SURF1: variants seen among roughly 807,000 people sequenced by gnomAD.
SURF1 encodes surfeit locus protein 1.
In SURF1, 45 loss-of-function variants were observed where a neutral mutation model predicts 34.1. The ratio of observed to expected loss-of-function variants is 1.32; its 90% confidence interval spans 1.04 to 1.69. The LOEUF (loss-of-function observed/expected upper bound fraction) is 1.69. Ranked by LOEUF, SURF1 falls within the 40% of genes most tolerant of loss-of-function variation. SURF1 has a pLI of 0.00. For synonymous variants in SURF1, 188 were observed against 147.5 expected (o/e 1.27, Z -1.99); for missense variants, 456 against 384.6 (o/e 1.19, Z -1.55).
intron 5 of SURF1, among the ~76,000 whole-genome samples, chr9:133,353,127 C>A (rs1470287023): frequency 1.3e-5 from 2 of 152,322 alleles, no homozygotes; most frequent in Admixed American, 6.5e-5. Context: ...TCTCCAATCC[C>A]TCCTCCTAAC....
rs1416119624 is a variant in SURF1, at chr9:133,356,294, G to T, written c.81C>A (p.Ser27Arg). 4.6e-6 allele frequency: 7 copies of T among 1,528,274 alleles called. No individual in the cohort carries two copies. The highest frequency in any genetic ancestry group is 5.2e-6 in the Non-Finnish European group (6 of 1,144,336). The allele number at this position is 1,528,274 out of a possible 1,614,324, so 94.7% of individuals were successfully genotyped here. A position where few individuals can be genotyped will look rare whatever the true frequency, so the allele number is the denominator to read the frequency against. ...CTGGGCGCGGGGAGACCCTGAGGAC[G>T]CTCCTCCAGGCGGCGCTGGCCGGGG... is the stretch of plus-strand genomic sequence containing the variant. The part of the protein sequence containing the change: ...GRAPASAAWR[S>R]VLRVSPRPGV... The change falls in exon 2 of 9, where the codon AGC (serine) becomes AGA (arginine). Residue 27 changes from serine (S) to arginine (R), a missense_variant. Coordinates refer to ENST00000371974, the MANE Select transcript of SURF1 (RefSeq NM_003172.4).
chr9:133,352,708 G>A lies in SURF1; in HGVS notation c.574C>T (p.Arg192Trp), dbSNP rs2130009420. The A allele has an allele frequency of 1.4e-5, 22 of 1,613,262 alleles. No individual in the cohort carries two copies. Among genetic ancestry groups the A allele is most frequent in the African/African-American group, 9.3e-5 (7 of 74,910 alleles). ...VPRKKVNPET[R>W]QKGQIEGEVD... ...ATGTCCCTTACCTGGCCTTTCTGCC[G>A]GGTTTCAGGATTCACTTTCTTCCTG... The change falls in exon 6 of 9, where the codon CGG (arginine) becomes TGG (tryptophan). Residue 192 changes from arginine to tryptophan, a missense_variant. Physicochemically the swap from Arg to Trp is moderately radical, Grantham distance 101 (BLOSUM62 -3). Transcript: ENST00000371974.
rs782609482 is a variant in SURF1, at chr9:133,352,060, C to T, written c.833+1G>A. ...AAGCCAGAGGGCCGCTGGGGACTCACCAGGTCACGATGTACTGCAGATGCT... is the reference window on the plus strand; with the variant it reads ...AAGCCAGAGGGCCGCTGGGGACTCATCAGGTCACGATGTACTGCAGATGCT... On this transcript the variant is annotated splice_donor_variant, in intron 8 of 8. Transcript: ENST00000371974. LOFTEE classifies it high-confidence loss of function. The T allele has an allele frequency of 4.3e-6, 7 of 1,611,916 alleles. No homozygotes were observed. Among genetic ancestry groups the T allele is most frequent in the South Asian group, 3.3e-5 (3 of 90,584 alleles).
rs2130007077 is a variant in SURF1 at position 133,352,469 on chromosome 9, G to T, written c.728C>A (p.Pro243His). The T allele has an allele frequency of 6.8e-6, 11 of 1,614,206 alleles. No individual in the cohort carries two copies. In the African/African-American group the frequency reaches 1.3e-4, roughly 20 times the overall value. ...ACGGAAGTTGGCATCAATGAAGATG[G>T]GCTCTGCGCCTGTGATTCTGGCCAT... ...EAMARITGAE[P>H]IFIDANFQST... Residue 243 changes from proline (P) to histidine (H), a missense_variant, in exon 7 of 9, where the codon CCC (proline) becomes CAC (histidine). Physicochemically the swap from Pro to His is moderately conservative, Grantham distance 77. Coordinates refer to ENST00000371974, the MANE Select transcript of SURF1 (RefSeq NM_003172.4).
chr9:133,355,005 A>C (rs1221562351), intron 2 of SURF1, 48 bp from the exon 3 acceptor site: 1 of 1,608,584 alleles, frequency 6.2e-7, no homozygotes, highest in Non-Finnish European at 8.5e-7. Context: ...CCTCGAACAC[A>C]GACCTGGAGC....
intron 6 of SURF1, 35 bp downstream of exon 6, chr9:133,352,659 C>G: frequency 6.2e-7 from 1 of 1,613,790 alleles, no homozygotes; most frequent in Non-Finnish European, 8.5e-7. Context: ...ACTCCCAGAG[C>G]CTTCTCTAAA....
chr9:133,355,968 G>C, intron 2 of SURF1: 1 of 535,602 alleles, frequency 1.9e-6, no homozygotes, highest in South Asian at 2.1e-5. Context: ...CTTTCAGCCT[G>C]GGCTGGCCAC....
At position 133,356,381 on chromosome 9, in the gene SURF1, C is replaced by CCCCGCACCCCGCAG; in HGVS notation, c.54+18_54+19insCTGCGGGGTGCGGG. 7.1e-7 allele frequency: 1 copy of CCCCGCACCCCGCAG among 1,401,008 alleles called. No homozygotes were observed. The highest frequency in any genetic ancestry group is 1.5e-5 in the South Asian group (1 of 65,272). 86.8% of individuals were successfully genotyped at this position (1,401,008 alleles called of 1,614,324 possible). On this transcript the variant is annotated intron_variant, in intron 1 of 8. Transcript: ENST00000371974. ...CCCTCCCCGCGCCCCGCACCCCGCA[C>CCCCGCACCCCGCAG]CCCGCACCCGGCGCTCACCCGTCCC...
chr9:133,354,148 T>G (rs1467263503), intron 4 of SURF1: 2 of 639,362 alleles, frequency 3.1e-6, no homozygotes, highest in Non-Finnish European at 5.5e-6. Context: ...AAATCTGGAC[T>G]CCTCAATGAA....
At chr9:133,352,166 C>T in intron 7 of SURF1, 24 bp from the exon 8 acceptor site, 1 of 1,572,868 alleles carries the variant, frequency 6.4e-7, no homozygotes, top group Non-Finnish European at 8.6e-7. Flanking sequence ...AGACTCAAGT[C>T]CACCCCCTAC....
intron 5 of SURF1, among the ~76,000 whole-genome samples, chr9:133,353,244 G>A (rs1211087548): frequency 1.3e-5 from 2 of 152,076 alleles, no homozygotes; most frequent in East Asian, 1.9e-4. Flanking sequence ...AAGAGCCCCA[G>A]GTATTTTCAT....
rs2130004516 is a variant in SURF1, at chr9:133,352,094, A to G, written c.800T>C (p.Leu267Pro). The G allele has an allele frequency of 2.5e-6, 4 of 1,610,490 alleles. No individual in the cohort carries two copies. Among genetic ancestry groups the G allele is most frequent in the Admixed American group, 3.4e-5 (2 of 59,512 alleles). ...GPIGGQTRVT[L>P]RNEHLQYIVT... ...GATGTACTGCAGATGCTCGTTCCTC[A>G]GAGTAACTCTGGTTTGCCCTCCAAT... is the stretch of plus-strand genomic sequence containing the variant. Residue 267 changes from leucine to proline, a missense_variant, in exon 8 of 9, where the codon CTG becomes CCG. Leu to Pro is a moderately conservative substitution (Grantham distance 98). Coordinates refer to ENST00000371974, the MANE Select transcript of SURF1 (RefSeq NM_003172.4).
Position 133,353,875 on chromosome 9 carries a change from T to C in SURF1, c.389A>G (p.Lys130Arg). ...GGTCCGGGGCATCATATACAGCTCC[T>C]TGGAATGGTCAAAGCACCCCCTGAC... ...VKVRGCFDHSKELYMMPRTMV... is the reference protein window; with the variant it reads ...VKVRGCFDHSRELYMMPRTMV... Residue 130 changes from lysine (K) to arginine (R), a missense_variant, in exon 5 of 9, where the codon AAG becomes AGG. Lys to Arg is a conservative substitution (Grantham distance 26, BLOSUM62 2). Coordinates refer to ENST00000371974, the MANE Select transcript of SURF1 (RefSeq NM_003172.4). 6.2e-7 allele frequency: 1 copy of C among 1,613,856 alleles called. No homozygotes were observed. Among genetic ancestry groups the C allele is most frequent in the Non-Finnish European group, 8.5e-7 (1 of 1,180,018 alleles).
chr9:133,356,285 C>T lies in SURF1; in HGVS notation c.90G>A (p.Arg30=). Residue 30 remains arginine, a synonymous_variant, in exon 2 of 9, where the codon AGG becomes AGA. Transcript: ENST00000371974. ...AGCCCTCACCTGGGCGCGGGGAGAC[C>T]CTGAGGACGCTCCTCCAGGCGGCGC... is the stretch of plus-strand genomic sequence containing the variant. The part of the protein sequence containing the change: ...PASAAWRSVL[R]VSPRPGVAWR... The T allele has an allele frequency of 1.3e-6, 2 of 1,530,910 alleles. No homozygotes were observed. The highest frequency in any genetic ancestry group is 1.7e-6 in the Non-Finnish European group (2 of 1,145,340). 94.8% of individuals were successfully genotyped at this position (1,530,910 alleles called of 1,614,324 possible).
intron 4 of SURF1, chr9:133,354,222 T>C (rs1000904633): frequency 5.6e-6 from 3 of 539,210 alleles, no homozygotes; most frequent in African/African-American, 3.8e-5. Context: ...AAATCTGGCA[T>C]ACTGTTTGCT....
chr9:133,352,641 C>G (rs2130008849), intron 6 of SURF1, 33 bp from the exon 7 acceptor site: 55 of 1,613,806 alleles, frequency 3.4e-5, no homozygotes, highest in Non-Finnish European at 4.3e-5. Context: ...TTGCATGGAG[C>G]CTGGTGGACT....
chr9:133,352,224 T>G lies in SURF1; in HGVS notation c.752-82A>C, dbSNP rs1242224143. The G allele has an allele frequency of 2.7e-6, 4 of 1,456,230 alleles. No homozygotes were observed. In the East Asian group the frequency reaches 9.8e-5, roughly 36 times the overall value. The allele number at this position is 1,456,230 out of a possible 1,614,324, so 90.2% of individuals were successfully genotyped here. A position where few individuals can be genotyped will look rare whatever the true frequency, so the allele number is the denominator to read the frequency against. ...CTTCCTAGTGGCTGTCATTTTTGCG[T>G]GGCCAGTTGGAAGTCCTGTATGGCC... is the stretch of plus-strand genomic sequence containing the variant. On this transcript the variant is annotated intron_variant, in intron 7 of 8. Coordinates refer to ENST00000371974, the MANE Select transcript of SURF1 (RefSeq NM_003172.4).
At chr9:133,352,644 G>A in intron 6 of SURF1, 36 bp from the exon 7 acceptor site, 3 of 1,613,896 alleles carry the variant, frequency 1.9e-6, no homozygotes, top group Non-Finnish European at 2.5e-6. Flanking sequence ...CATGGAGCCT[G>A]GTGGACTCCC....
In SURF1 at chr9:133,353,917, T is replaced by G; in HGVS notation, c.347A>C (p.Glu116Ala). The G allele has an allele frequency of 6.2e-7, 1 of 1,613,868 alleles. No individual in the cohort carries two copies. The highest frequency in any genetic ancestry group is 8.5e-7 in the Non-Finnish European group (1 of 1,180,024). The change falls in exon 5 of 9, where the codon GAG becomes GCG. Residue 116 changes from glutamate (E) to alanine (A), a missense_variant. Transcript: ENST00000371974. ...CCCCCTGACCTTCACTGGCCTATAC[T>G]CCAGATTTTTCAGTTCCATTGGGCT... ...PADPMELKNLEYRPVKVRGCF... is the reference protein window; with the variant it reads ...PADPMELKNLAYRPVKVRGCF...
Sources: gnomAD v4.1 joint callset for allele counts (sites outside exome capture counted in the v4.1 genomes callset) on GRCh38, gnomAD v4.1.1 for gene constraint, MANE v1.5 for transcripts, NCBI Gene and HGNC (gene_info 2026-07-23, HGNC 2026-07-21) for gene names.